The following ABCG5 variants were observed in gnomAD, a reference collection of about 807,000 sequenced individuals.
The protein encoded by ABCG5 is ATP binding cassette subfamily G member 5.
ABCG5 carries 64 observed loss-of-function variants against 64.5 expected under a neutral mutation model. The ratio of observed to expected loss-of-function variants is 0.99; its 90% CI spans 0.81 to 1.22. The LOEUF is 1.22. ABCG5 is among the 50% of genes most tolerant of loss of function. ABCG5 has a pLI of 0.00. For synonymous variants in ABCG5, 385 were observed against 326.3 expected (o/e 1.18, Z -1.94); for missense variants, 908 against 829.5 (o/e 1.09, Z -1.16).
chr2:43,831,919 G>T lies in ABCG5; in HGVS notation c.402+28C>A, dbSNP rs1368134697. ...GCCTAAGCCCCCGGGGCGGGCGGGG[G>T]GGCCAGGGGTGTGGGGGACGCGCCC... On this transcript the variant is annotated intron_variant, in intron 3 of 12. Coordinates refer to ENST00000405322, the MANE Select transcript of ABCG5 (RefSeq NM_022436.3). 1.9e-6 allele frequency: 3 copies of T among 1,547,930 alleles called. No homozygotes were observed. In the Admixed American group the frequency reaches 5.9e-5, roughly 30 times the overall value.
chr2:43,834,655 C>G (rs980285512), intron 2 of ABCG5, among the ~76,000 whole-genome samples: 1 of 152,224 alleles, frequency 6.6e-6, no homozygotes, highest in African/African-American at 2.4e-5. Context: ...GTAATCCCAG[C>G]ACTTTGGGAG....
Position 43,838,592 on chromosome 2 carries a change from C to G in ABCG5, c.88G>C (p.Ala30Pro). The change falls in exon 1 of 13, where the codon GCC (alanine) becomes CCC (proline). Residue 30 changes from alanine to proline, a missense_variant. Transcript: ENST00000405322. The surrounding 1 kb of genome is among the most constrained non-coding windows in gnomAD (Gnocchi z 4.2). ...GSQSSLEGAPATAPEPHSLGI... is the reference protein window; with the variant it reads ...GSQSSLEGAPPTAPEPHSLGI... Reference sequence around the variant, plus strand: ...AGGCTGTGAGGCTCCGGGGCGGTGGCAGGAGCCCCCTCCAGGGAGCTCTGG... The same window carrying G: ...AGGCTGTGAGGCTCCGGGGCGGTGGGAGGAGCCCCCTCCAGGGAGCTCTGG... The G allele has an allele frequency of 6.2e-7, 1 of 1,611,280 alleles. No individual in the cohort carries two copies. The highest frequency in any genetic ancestry group is 8.5e-7 in the Non-Finnish European group (1 of 1,179,232).
rs1463207714 is a variant in ABCG5 at position 43,812,841 on chromosome 2, A to G, written c.*275T>C. On this transcript the variant is annotated 3_prime_UTR_variant, in exon 13 of 13. Coordinates refer to ENST00000405322, the MANE Select transcript of ABCG5 (RefSeq NM_022436.3). ...AAAAAAATAGTCACACGAGTCTCCC[A>G]TAGGTTTATGAATATTATTTACATT... 6.8e-6 allele frequency: 3 copies of G among 443,704 alleles called. No individual in the cohort carries two copies. The Admixed American group carries it at 1.1e-4, about 16-fold the overall frequency. The allele number at this position is 443,704 out of a possible 1,614,324, so 27.5% of individuals were successfully genotyped here. A position where few individuals can be genotyped will look rare whatever the true frequency, so the allele number is the denominator to read the frequency against.
chr2:43,814,400 T>G, intron 12 of ABCG5, 77 bp downstream of exon 12: 1 of 943,492 alleles, frequency 1.1e-6, no homozygotes, highest in Non-Finnish European at 1.7e-6. Context: ...AGTTTTTATT[T>G]CAAAAATACA....
Position 43,826,304 on chromosome 2 carries a change from G to C in ABCG5, c.774+78C>G, listed in dbSNP as rs1667597022. The C allele has an allele frequency of 3.1e-6, 5 of 1,605,094 alleles. No homozygotes were observed. The South Asian group carries it at 4.4e-5, about 14-fold the overall frequency. ...TGTGAGCCACTGTGCCTGGCCACTG[G>C]TACAAATCTTGCCCCTGCCCCTGTG... On this transcript the variant is annotated intron_variant, in intron 6 of 12. Coordinates refer to ENST00000405322, the MANE Select transcript of ABCG5 (RefSeq NM_022436.3).
chr2:43,832,557 G>A, intron 2 of ABCG5: 1 of 177,750 alleles, frequency 5.6e-6, no homozygotes. Context: ...AAAGCAAGCA[G>A]CATCAGCAAC....
intron 11 of ABCG5, among the ~76,000 whole-genome samples, chr2:43,816,256 G>T (rs1666816183): frequency 6.6e-6 from 1 of 152,214 alleles, no homozygotes; most frequent in African/African-American, 2.4e-5. Context: ...TGCTGAGAGG[G>T]TCTAAAATGA....
intron 10 of ABCG5, 65 bp downstream of exon 10, chr2:43,822,732 A>T (rs1667313984): frequency 6.2e-7 from 1 of 1,608,352 alleles, no homozygotes; most frequent in Non-Finnish European, 8.5e-7. Context: ...CTCTCCCTGC[A>T]CGAGTCCCAC....
intron 5 of ABCG5, among the ~76,000 whole-genome samples, chr2:43,827,330 A>G (rs1389977325): frequency 1.3e-5 from 2 of 152,002 alleles, no homozygotes; most frequent in South Asian, 2.1e-4. Context: ...TGTCTCAAAA[A>G]AAAAAAAAAA....
Position 43,826,426 on chromosome 2 carries a change from T to C in ABCG5, c.730A>G (p.Ile244Val), listed in dbSNP as rs1217208402. 1 of 1,613,940 alleles carries C rather than the reference T, an allele frequency of 6.2e-7. No homozygotes were observed. Among genetic ancestry groups the C allele is most frequent in the Non-Finnish European group, 8.5e-7 (1 of 1,180,022 alleles). Residue 244 changes from isoleucine (I) to valine (V), a missense_variant, in exon 6 of 13, where the codon ATT becomes GTT. By Grantham distance (29) the Ile-to-Val change is conservative. Transcript: ENST00000405322. Reference sequence around the variant, plus strand: ...GGCTGGTGAATGGTGAGAACCACAATTCGGTTCCTGCGAGCCAGTTCCACC... The same window carrying C: ...GGCTGGTGAATGGTGAGAACCACAACTCGGTTCCTGCGAGCCAGTTCCACC... ...LLVELARRNRIVVLTIHQPRS... is the reference protein window; with the variant it reads ...LLVELARRNRVVVLTIHQPRS...
At position 43,838,159 on chromosome 2, in the gene ABCG5, T is replaced by C; in HGVS notation, c.144-204A>G. The stretch of plus-strand genomic sequence containing the variant: ...TGCCACGTAGGGAGGGGGCCTGTGC[T>C]GGAGTTGCTCTGAATGTCCTGTCCG... On this transcript the variant is annotated intron_variant, in intron 1 of 12. Coordinates refer to ENST00000405322, the MANE Select transcript of ABCG5 (RefSeq NM_022436.3). This position sits in a 1 kb window ranked among gnomAD's most constrained non-coding sequence, Gnocchi z 4.2. The C allele has an allele frequency of 1.5e-6, 1 of 666,522 alleles. No homozygotes were observed. Among genetic ancestry groups the C allele is most frequent in the Non-Finnish European group, 2.5e-6 (1 of 394,038 alleles). 41.3% of individuals were successfully genotyped at this position (666,522 alleles called of 1,614,324 possible).
chr2:43,829,964 A>C (rs964164742), intron 4 of ABCG5, among the ~76,000 whole-genome samples: 1 of 152,214 alleles, frequency 6.6e-6, no homozygotes, highest in African/African-American at 2.4e-5. Flanking sequence ...CTAGATATAG[A>C]TATATTCTGG....
chr2:43,822,474 C>CCCG (rs1667278419), intron 10 of ABCG5: 10 of 708,440 alleles, frequency 1.4e-5, no homozygotes, highest in Non-Finnish European at 1.7e-5. Context: ...CTCCCCTCCC[C>CCCG]CAGGCCCCCC....
chr2:43,834,577 G>GGAAC (rs1477136448), intron 2 of ABCG5, among the ~76,000 whole-genome samples: 6 of 152,168 alleles, frequency 3.9e-5, no homozygotes, highest in African/African-American at 1.4e-4. Flanking sequence ...CATTAATGAG[G>GGAAC]GAACCAGCAA....
intron 11 of ABCG5, among the ~76,000 whole-genome samples, chr2:43,818,898 A>G (rs1167340481): frequency 6.6e-6 from 1 of 152,280 alleles, no homozygotes; most frequent in East Asian, 1.9e-4. Flanking sequence ...TGAGGAAACT[A>G]ATTTAGATAG....
chr2:43,806,263 A>C, the ABCG5 span, among the ~76,000 whole-genome samples: 1 of 152,170 alleles, frequency 6.6e-6, no homozygotes, highest in Non-Finnish European at 1.5e-5. Context: ...ATCTGTCCTT[A>C]TATGAGTAAA....
chr2:43,808,386 A>G (rs187757276), downstream of ABCG5, among the ~76,000 whole-genome samples: 864 of 152,264 alleles, frequency 5.7e-3, 4 homozygotes, highest in Non-Finnish European at 8.4e-3. Context: ...AATTTTTCTG[A>G]AAATTAGAAT....
At position 43,831,857 on chromosome 2, in the gene ABCG5, A is replaced by C. The variant is rs1249069908; in HGVS notation, c.413T>G (p.Leu138Arg). 5 of 1,529,278 alleles carry C rather than the reference A, an allele frequency of 3.3e-6. No individual in the cohort carries two copies. In the Admixed American group the frequency reaches 7.7e-5, roughly 24 times the overall value. 94.7% of individuals were successfully genotyped at this position (1,529,278 alleles called of 1,614,324 possible). A position where few individuals can be genotyped will look rare whatever the true frequency, so the allele number is the denominator to read the frequency against. ...CTCGCGCACGGTGAGGCTGCTCAGC[A>C]GGGTGTCGCTCTGCAGGAGACTCGG... ...CFSYVLQSDT[L>R]LSSLTVRETL... The change falls in exon 4 of 13, where the codon CTG (leucine) becomes CGG (arginine). Residue 138 changes from leucine (L) to arginine (R), a missense_variant. Leu to Arg is a moderately radical substitution (Grantham distance 102, BLOSUM62 -2). Coordinates refer to ENST00000405322, the MANE Select transcript of ABCG5 (RefSeq NM_022436.3).
chr2:43,832,274 T>G, intron 2 of ABCG5, 191 bp from the exon 3 acceptor site: 1 of 715,068 alleles, frequency 1.4e-6, no homozygotes, highest in South Asian at 1.8e-5. Context: ...TGCAGCAGTC[T>G]CACGCGCAAG....
Sources: gnomAD v4.1 joint callset for allele counts (sites outside exome capture counted in the v4.1 genomes callset) on GRCh38, gnomAD v4.1.1 for gene constraint, Gnocchi (gnomAD v3.1) non-coding constraint, MANE v1.5 for transcripts, NCBI Gene and HGNC (gene_info 2026-07-23, HGNC 2026-07-21) for gene names.